ATP6V1B2: variants seen among roughly 807,000 people sequenced by gnomAD.
ATP6V1B2 encodes the protein V-type proton ATPase subunit B, brain isoform.
Under a neutral mutation model 66.7 loss-of-function variants are expected in ATP6V1B2, and 23 were observed. The ratio of observed to expected loss-of-function variants is 0.34; its 90% CI spans 0.25 to 0.49. The LOEUF (loss-of-function observed/expected upper bound fraction) is 0.49. ATP6V1B2 is among the 20% of genes least tolerant of loss of function. ATP6V1B2 has a pLI of 0.99. For missense variants in ATP6V1B2, 478 were observed against 650.8 expected (o/e 0.73, Z 2.89); for synonymous variants, 278 against 236.7 (o/e 1.17, Z -1.60).
chr8:20,213,041 C>A, intron 9 of ATP6V1B2, 136 bp downstream of exon 9: 1 of 1,231,892 alleles, frequency 8.1e-7, no homozygotes, highest in Non-Finnish European at 1.1e-6. Flanking sequence ...CTTAATAAAT[C>A]AGAAAGGAAA....
chr8:20,214,778 A>T, intron 9 of ATP6V1B2, 40 bp from the exon 10 acceptor site: 1 of 1,552,160 alleles, frequency 6.4e-7, no homozygotes, highest in Non-Finnish European at 8.7e-7. Context: ...AGCTTGTTGT[A>T]ATATCGTGCA....
At chr8:20,214,500 CT>C (rs898173080) in intron 9 of ATP6V1B2, 1 of 183,580 alleles carries the variant, frequency 5.4e-6, no homozygotes, top group African/African-American at 2.4e-5. Flanking sequence ...AACCAAGAAT[CT>C]TTTCTGTTTT....
chr8:20,200,801 T>G (rs1452070249), intron 1 of ATP6V1B2, among the ~76,000 whole-genome samples: 1 of 152,194 alleles, frequency 6.6e-6, no homozygotes, highest in African/African-American at 2.4e-5. Context: ...TCTCCTTGCT[T>G]TTTTCCTAGA....
chr8:20,211,534 C>T, intron 6 of ATP6V1B2, 118 bp from the exon 7 acceptor site: 1 of 1,284,250 alleles, frequency 7.8e-7, no homozygotes, highest in African/African-American at 1.5e-5. Flanking sequence ...TGAATGAATA[C>T]CCTAAAACAT....
intron 1 of ATP6V1B2, among the ~76,000 whole-genome samples, chr8:20,200,094 T>G (rs1000647463): frequency 4.6e-5 from 7 of 151,960 alleles, no homozygotes; most frequent in African/African-American, 1.7e-4. Context: ...CCTCCACATC[T>G]CAGGCTCAAG....
chr8:20,200,356 T>C (rs948016308), intron 1 of ATP6V1B2, among the ~76,000 whole-genome samples: 10 of 152,044 alleles, frequency 6.6e-5, no homozygotes, highest in East Asian at 5.8e-4. Flanking sequence ...CAGAGATCCT[T>C]TTTGTGTCCC....
chr8:20,197,542 A>G lies in ATP6V1B2; in HGVS notation c.136A>G (p.Thr46Ala), dbSNP rs765520929. 2 of 1,404,358 alleles carry G rather than the reference A, an allele frequency of 1.4e-6. No individual in the cohort carries two copies. Among genetic ancestry groups the G allele is most frequent in the South Asian group, 1.7e-5 (1 of 59,938 alleles). The allele number at this position is 1,404,358 out of a possible 1,614,324, so 87.0% of individuals were successfully genotyped here. Residue 46 changes from threonine (T) to alanine (A), a missense_variant and splice_region_variant, in exon 1 of 14, where the codon ACA (threonine) becomes GCA (alanine). Physicochemically the swap from Thr to Ala is moderately conservative, Grantham distance 58. This residue lies in a region of ATP6V1B2 where 152 missense variants were observed against 105.2 expected (regional missense o/e 1.44). Transcript: ENST00000276390. Reference protein sequence around the residue: ...SRNYLSQPRLTYKTVSGVNGP... With the variant: ...SRNYLSQPRLAYKTVSGVNGP... ...GAACTACCTCTCCCAGCCTCGCCTC[A>G]GTGAGTATCAGAGAGTAATACGTCT...
Position 20,218,989 on chromosome 8 carries a change from A to G in ATP6V1B2, c.1396+707A>G, listed in dbSNP as rs147535526. On this transcript the variant is annotated intron_variant, in intron 13 of 13. Transcript: ENST00000276390. The stretch of plus-strand genomic sequence containing the variant: ...GTTAACTCAAGCTCAGTAACTGGGC[A>G]TTATTCTTAACCTTCTTTGCTTATT... 3.3e-3 allele frequency among the ~76,000 whole-genome samples: 495 copies of G among 152,282 alleles called. 4 individuals are homozygous for G. The highest frequency in any genetic ancestry group is 0.011 in the African/African-American group (475 of 41,546).
rs564214885 is a variant in ATP6V1B2 at position 20,204,680 on chromosome 8, TGATACCCTGGGCTATCA to T, written c.192+156_192+172del. The T allele has an allele frequency of 1.2e-4, 76 of 621,224 alleles. No homozygotes were observed. The South Asian group carries it at 1.3e-3, about 11-fold the overall frequency. 38.5% of individuals were successfully genotyped at this position (621,224 alleles called of 1,614,324 possible). ...CAGTCAGTCTAAAGCCCAGATACCA[TGATACCCTGGGCTATCA>T]GATACCCTGGGCTAAGATTTTTGCC... On this transcript the variant is annotated intron_variant, in intron 2 of 13. Coordinates refer to ENST00000276390, the MANE Select transcript of ATP6V1B2 (RefSeq NM_001693.4).
chr8:20,203,957 A>T (rs1174240066), intron 1 of ATP6V1B2: 1 of 455,248 alleles, frequency 2.2e-6, no homozygotes, highest in Admixed American at 2.4e-5. Context: ...TTTACCTTGC[A>T]GGCTATACAA....
At chr8:20,206,390 G>T (rs1039795924) in intron 2 of ATP6V1B2, among the ~76,000 whole-genome samples, 9 of 152,126 alleles carry the variant, frequency 5.9e-5, no homozygotes, top group South Asian at 2.1e-4. Flanking sequence ...GGGTCCCCAG[G>T]TTACCCACAG....
chr8:20,210,790 T>A, intron 5 of ATP6V1B2, 144 bp downstream of exon 5: 1 of 410,620 alleles, frequency 2.4e-6, no homozygotes, highest in Non-Finnish European at 4.0e-6. Flanking sequence ...ATTTTATTAT[T>A]TAATTATATT....
intron 2 of ATP6V1B2, among the ~76,000 whole-genome samples, chr8:20,208,220 C>T (rs912608827): frequency 2.0e-5 from 3 of 152,154 alleles, no homozygotes; most frequent in Admixed American, 6.5e-5. Flanking sequence ...GAGCCCCATA[C>T]AAGAATGCTC....
At chr8:20,214,169 G>A (rs1254000664) in intron 9 of ATP6V1B2, 1 of 152,246 alleles carries the variant, frequency 6.6e-6, no homozygotes, top group Admixed American at 6.5e-5. Context: ...TAGGGTTCTA[G>A]TTGATTGTAG....
rs2072903446 is a variant in ATP6V1B2 at position 20,221,222 on chromosome 8, T to C, written c.*820T>C. The stretch of plus-strand genomic sequence containing the variant: ...ACAGCCTTTCTACATTCTGACATGC[T>C]AACAGTGGTTTAAGTTTCTAAAGTG... On this transcript the variant is annotated 3_prime_UTR_variant, in exon 14 of 14. Transcript: ENST00000276390. 6.6e-6 allele frequency: 1 copy of C among 152,222 alleles called. No individual in the cohort carries two copies. Among genetic ancestry groups the C allele is most frequent in the South Asian group, 2.1e-4 (1 of 4,836 alleles). 9.4% of individuals were successfully genotyped at this position (152,222 alleles called of 1,614,324 possible).
intron 6 of ATP6V1B2, 37 bp downstream of exon 6, chr8:20,211,353 G>C (rs2072791457): frequency 1.3e-6 from 2 of 1,591,322 alleles, no homozygotes; most frequent in Non-Finnish European, 1.7e-6. Context: ...AAGTTTAGCA[G>C]ACAAGAATTT....
chr8:20,217,002 C>G lies in ATP6V1B2; in HGVS notation c.1162-218C>G, dbSNP rs2072861141. On this transcript the variant is annotated intron_variant, in intron 11 of 13. Transcript: ENST00000276390. ...GTCTTGTACAGTGTTATAGATGACA[C>G]TTTTTTGGATTTGATTCTCGAAAGA... 3 of 532,324 alleles carry G rather than the reference C, an allele frequency of 5.6e-6. No individual in the cohort carries two copies. In the African/African-American group the frequency reaches 5.7e-5, roughly 10 times the overall value. 33.0% of individuals were successfully genotyped at this position (532,324 alleles called of 1,614,324 possible).
In ATP6V1B2 at chr8:20,204,502, G is replaced by C. The variant is rs2072718380; in HGVS notation, c.155G>C (p.Gly52Ala). The change falls in exon 2 of 14, where the codon GGA becomes GCA. Residue 52 changes from glycine to alanine, a missense_variant. By Grantham distance (60) the Gly-to-Ala change is moderately conservative. This residue lies in a region of ATP6V1B2 where 152 missense variants were observed against 105.2 expected (regional missense o/e 1.44). Coordinates refer to ENST00000276390, the MANE Select transcript of ATP6V1B2 (RefSeq NM_001693.4). ...QPRLTYKTVS[G>A]VNGPLVILDH... ...TTTCCAGCATACAAGACAGTATCTG[G>C]AGTCAATGGTCCACTAGTGATCTTA... 5.0e-6 allele frequency: 8 copies of C among 1,612,996 alleles called. No homozygotes were observed. The highest frequency in any genetic ancestry group is 6.8e-6 in the Non-Finnish European group (8 of 1,179,156).
intron 12 of ATP6V1B2, among the ~76,000 whole-genome samples, 199 bp from the exon 13 acceptor site, chr8:20,217,954 G>T (rs2072871638): frequency 6.6e-6 from 1 of 152,168 alleles, no homozygotes; most frequent in Non-Finnish European, 1.5e-5. Flanking sequence ...AGTGTCTTGT[G>T]TATTGTATGC....
Sources: gnomAD v4.1 joint callset for allele counts (sites outside exome capture counted in the v4.1 genomes callset) on GRCh38, gnomAD v4.1.1 for gene constraint, gnomAD v4.1.1 regional missense constraint, MANE v1.5 for transcripts, NCBI Gene and HGNC (gene_info 2026-07-23, HGNC 2026-07-21) for gene names.